NRXN1: variants seen among roughly 807,000 people sequenced by gnomAD.
The protein encoded by NRXN1 is neurexin 1.
A neutral mutation model predicts 150.9 loss-of-function variants in NRXN1; 39 were observed. The observed-to-expected ratio is 0.26, with a 90% CI of 0.20 to 0.34. The LOEUF (loss-of-function observed/expected upper bound fraction) is 0.34. NRXN1 is among the 10% of genes least tolerant of loss of function. The probability of loss-of-function intolerance (pLI) is 1.00; values close to 1 mark genes in which losing one functional copy is unlikely to be tolerated. For missense variants in NRXN1, 1,815 were observed against 1,949.9 expected, an observed-to-expected ratio of 0.93 and a Z score of 1.30; for synonymous variants, 924 against 757.0, an observed-to-expected ratio of 1.22 and a Z score of -3.62.
chr2:50,536,966 T>C (rs1424882981), intron 10 of NRXN1, among the ~76,000 whole-genome samples: 1 of 152,198 alleles, frequency 6.6e-6, no homozygotes, highest in East Asian at 1.9e-4. Flanking sequence ...CTGACCCATC[T>C]AATTGCATGA....
chr2:50,543,985 G>A (rs866170017), intron 9 of NRXN1, among the ~76,000 whole-genome samples: 16 of 152,054 alleles, frequency 1.1e-4, no homozygotes, highest in African/African-American at 3.9e-4. Flanking sequence ...AGATCTGTTA[G>A]GCTTCAATGT....
intron 15 of NRXN1, among the ~76,000 whole-genome samples, chr2:50,478,034 C>G (rs1244862889): frequency 6.6e-6 from 1 of 152,064 alleles, no homozygotes; most frequent in Non-Finnish European, 1.5e-5. Context: ...CAAATTTGTA[C>G]CATTATCTTT....
At chr2:50,809,964 C>G (rs1668000427) in intron 5 of NRXN1, among the ~76,000 whole-genome samples, 1 of 152,154 alleles carries the variant, frequency 6.6e-6, no homozygotes, top group Admixed American at 6.6e-5. Flanking sequence ...ATTTTCAGCT[C>G]TGCCAATTCA....
intron 5 of NRXN1, among the ~76,000 whole-genome samples, chr2:50,679,517 C>T (rs928936191): frequency 3.2e-4 from 49 of 152,086 alleles, no homozygotes; most frequent in Non-Finnish European, 5.9e-5. Flanking sequence ...TCCAAACACA[C>T]TAGAGTAAAG....
chr2:50,447,545 C>CAT (rs1055572562), intron 17 of NRXN1, among the ~76,000 whole-genome samples: 21 of 137,210 alleles, frequency 1.5e-4, no homozygotes, highest in Non-Finnish European at 2.8e-4. Context: ...AAATCAAATT[C>CAT]ATATATATAT....
chr2:49,925,879 T>C (rs1558515381), intron 22 of NRXN1, among the ~76,000 whole-genome samples: 2 of 152,146 alleles, frequency 1.3e-5, no homozygotes, highest in African/African-American at 4.8e-5. Context: ...GGAGCTAAAA[T>C]AATGGCATAC....
intron 17 of NRXN1, among the ~76,000 whole-genome samples, chr2:50,281,814 C>A (rs2071500421): frequency 6.6e-6 from 1 of 152,196 alleles, no homozygotes; most frequent in East Asian, 1.9e-4. Flanking sequence ...TGCTCAAGAA[C>A]AAAAGCAAAA....
At chr2:50,991,827 T>A (rs1274635229) in intron 2 of NRXN1, among the ~76,000 whole-genome samples, 1 of 152,062 alleles carries the variant, frequency 6.6e-6, no homozygotes, top group Non-Finnish European at 1.5e-5. Context: ...ACAAGCTTTT[T>A]ATTGTTAACT....
rs144874559 is a variant in NRXN1 at position 50,798,898 on chromosome 2, A to G, written c.832+122971T>C. On this transcript the variant is annotated intron_variant, in intron 5 of 22. Coordinates refer to ENST00000401669, the MANE Select transcript of NRXN1 (RefSeq NM_001330078.2). Reference sequence around the variant, plus strand: ...TTTGAGAAGCATTTTCTACATAGGCACTTGAGTTATTGGCAGCAATTGCTG... The same window carrying G: ...TTTGAGAAGCATTTTCTACATAGGCGCTTGAGTTATTGGCAGCAATTGCTG... 6.3e-3 allele frequency among the ~76,000 whole-genome samples: 953 copies of G among 152,332 alleles called. 13 individuals carry two copies. The highest frequency in any genetic ancestry group is 0.022 in the African/African-American group (914 of 41,580).
intron 21 of NRXN1, among the ~76,000 whole-genome samples, chr2:49,946,939 C>A (rs976189859): frequency 6.6e-6 from 1 of 152,042 alleles, no homozygotes; most frequent in Non-Finnish European, 1.5e-5. Context: ...GCAATTGGCA[C>A]GATAATCATG....
At chr2:49,925,214 A>G (rs1668881800) in intron 22 of NRXN1, among the ~76,000 whole-genome samples, 1 of 149,848 alleles carries the variant, frequency 6.7e-6, no homozygotes, top group Non-Finnish European at 1.5e-5. Context: ...CGGGAGGCAG[A>G]GGTTGCAGTG....
intron 15 of NRXN1, among the ~76,000 whole-genome samples, chr2:50,478,412 A>T (rs113826679): frequency 0.016 from 2,366 of 152,326 alleles, 55 homozygotes; most frequent in African/African-American, 0.052. Context: ...CTTGTAAAAT[A>T]TTCAAAATGG....
chr2:50,248,859 G>A (rs913025978), intron 17 of NRXN1, among the ~76,000 whole-genome samples: 5 of 151,996 alleles, frequency 3.3e-5, no homozygotes, highest in Non-Finnish European at 5.9e-5. Context: ...ATTGGCATAC[G>A]TTTTGGGCTG....
intron 22 of NRXN1, among the ~76,000 whole-genome samples, chr2:49,922,513 A>C (rs962955569): frequency 1.8e-4 from 28 of 152,142 alleles, no homozygotes; most frequent in African/African-American, 6.8e-4. Context: ...CATTGTCCCA[A>C]ATAAACTCCA....
At chr2:50,512,685 C>A (rs1396833129) in intron 12 of NRXN1, among the ~76,000 whole-genome samples, 1 of 152,140 alleles carries the variant, frequency 6.6e-6, no homozygotes, top group Non-Finnish European at 1.5e-5. Flanking sequence ...ACATGCATTA[C>A]CTAATTGTCT....
At chr2:50,963,318 C>A (rs1693504353) in intron 2 of NRXN1, among the ~76,000 whole-genome samples, 1 of 151,498 alleles carries the variant, frequency 6.6e-6, no homozygotes, top group African/African-American at 2.4e-5. Context: ...TGTCTACCTT[C>A]TCTCCTTCCC....
At chr2:50,361,441 A>G (rs1360785636) in intron 17 of NRXN1, among the ~76,000 whole-genome samples, 1 of 152,232 alleles carries the variant, frequency 6.6e-6, no homozygotes, top group African/African-American at 2.4e-5. Flanking sequence ...ATCACCACTG[A>G]TCCCACAGAT....
chr2:50,885,851 AC>A (rs1680157978), intron 5 of NRXN1, among the ~76,000 whole-genome samples: 1 of 150,884 alleles, frequency 6.6e-6, no homozygotes, highest in African/African-American at 2.4e-5. Flanking sequence ...ACACACACAC[AC>A]GTCTATACCA....
At chr2:50,998,562 C>A (rs561294832) in intron 2 of NRXN1, among the ~76,000 whole-genome samples, 22 of 151,956 alleles carry the variant, frequency 1.4e-4, no homozygotes, top group Non-Finnish European at 2.5e-4. Flanking sequence ...TGGGTGGACA[C>A]AACATACAGA....
Sources: allele counts gnomAD v4.1 joint callset (sites outside exome capture counted in the v4.1 genomes callset), GRCh38; gene constraint gnomAD v4.1.1; transcripts MANE v1.5; gene names NCBI Gene and HGNC (gene_info 2026-07-23, HGNC 2026-07-21).